RAD51B: variants seen among roughly 807,000 people sequenced by gnomAD.
The protein encoded by RAD51B is RAD51 paralog B.
RAD51B carries 38 observed loss-of-function variants against 42.2 expected under a neutral mutation model. The observed-to-expected ratio is 0.90, with a 90% confidence interval of 0.70 to 1.18. The LOEUF (loss-of-function observed/expected upper bound fraction) is 1.18. Ranked by LOEUF, RAD51B falls within the 50% of genes most tolerant of loss-of-function variation. The pLI is 0.00. For synonymous variants in RAD51B, 154 were observed against 145.2 expected, an observed-to-expected ratio of 1.06 and a Z score of -0.43; for missense variants, 373 against 400.7, an observed-to-expected ratio of 0.93 and a Z score of 0.59.
intron 11 of RAD51B, among the ~76,000 whole-genome samples, chr14:68,658,525 C>A (rs533417629): frequency 6.6e-6 from 1 of 152,224 alleles, no homozygotes; most frequent in Admixed American, 6.5e-5. Context: ...TTCCCCATCA[C>A]CCCTTCATCT....
chr14:68,208,655 A>G (rs922225316), intron 7 of RAD51B, among the ~76,000 whole-genome samples: 3 of 152,174 alleles, frequency 2.0e-5, no homozygotes, highest in African/African-American at 2.4e-5. Context: ...TGCTTTCCAC[A>G]GGAAAACACC....
At chr14:67,897,218 A>C (rs549290666) in intron 7 of RAD51B, among the ~76,000 whole-genome samples, 2 of 152,234 alleles carry the variant, frequency 1.3e-5, no homozygotes, top group South Asian at 4.1e-4. Context: ...ACAAATGCAC[A>C]GGTAACAAAA....
At chr14:68,493,915 C>T (rs1884286553) in intron 10 of RAD51B, among the ~76,000 whole-genome samples, 1 of 152,186 alleles carries the variant, frequency 6.6e-6, no homozygotes, top group Non-Finnish European at 1.5e-5. Context: ...TTCAGAGACT[C>T]TCTCTATAGG....
At chr14:68,314,513 C>T (rs2082019708) in intron 8 of RAD51B, among the ~76,000 whole-genome samples, 1 of 152,150 alleles carries the variant, frequency 6.6e-6, no homozygotes, top group Admixed American at 6.5e-5. Flanking sequence ...CAGCCCCTGG[C>T]ATTTGTTCAT....
At chr14:67,899,916 T>C (rs1289946949) in intron 7 of RAD51B, among the ~76,000 whole-genome samples, 2 of 152,232 alleles carry the variant, frequency 1.3e-5, no homozygotes. Flanking sequence ...AATCCAGATA[T>C]GTGTGATTAC....
At chr14:68,018,470 A>G (rs186452134) in intron 7 of RAD51B, among the ~76,000 whole-genome samples, 3 of 152,320 alleles carry the variant, frequency 2.0e-5, no homozygotes, top group Non-Finnish European at 4.4e-5. Flanking sequence ...TAAGGTTGTA[A>G]TATCTGTTAC....
At chr14:68,272,666 T>TATATATATATATA (rs58623449) in intron 7 of RAD51B, among the ~76,000 whole-genome samples, 46 of 4,942 alleles carry the variant, frequency 9.3e-3, no homozygotes, top group East Asian at 0.019. Context: ...TATATATATA[T>TATATATATATATA]TTTTTTTTTT....
At chr14:68,668,445 G>C (rs1026964772) in intron 11 of RAD51B, among the ~76,000 whole-genome samples, 3 of 152,200 alleles carry the variant, frequency 2.0e-5, no homozygotes, top group Admixed American at 6.5e-5. Flanking sequence ...CCGTTAGGTG[G>C]AGGCCATATG....
At chr14:68,479,411 G>T, downstream of RAD51B, among the ~76,000 whole-genome samples, 1 of 152,242 alleles carries the variant, frequency 6.6e-6, no homozygotes, top group African/African-American at 2.4e-5. Context: ...CTCTCCTGAA[G>T]CAGGTTGTAA....
intron 10 of RAD51B, among the ~76,000 whole-genome samples, chr14:68,495,689 C>T (rs138475951): frequency 8.9e-4 from 136 of 152,320 alleles, no homozygotes; most frequent in African/African-American, 3.1e-3. Context: ...TCAGTTCCTG[C>T]TCAAGGGAAC....
At chr14:68,287,955 T>C (rs1281562868) in intron 7 of RAD51B, among the ~76,000 whole-genome samples, 4 of 152,166 alleles carry the variant, frequency 2.6e-5, no homozygotes, top group African/African-American at 9.7e-5. Context: ...GAGTAAATGG[T>C]AGAGCCCAGG....
At chr14:68,251,380 G>GT (rs1323912530) in intron 7 of RAD51B, among the ~76,000 whole-genome samples, 3 of 151,800 alleles carry the variant, frequency 2.0e-5, no homozygotes, top group African/African-American at 2.4e-5. Flanking sequence ...CCAAGCGTGT[G>GT]TTTTTTTTAG....
chr14:68,289,315 A>T lies in RAD51B; in HGVS notation c.757-2569A>T, dbSNP rs947407977. 9.8e-5 allele frequency among the ~76,000 whole-genome samples: 15 copies of T among 152,332 alleles called. No homozygotes were observed. The East Asian group carries it at 2.9e-3, about 29-fold the overall frequency. ...TTAATTCTCATAAAAATTCTATGAGATAGATATTATTTTACCTATGAACAA... is the reference window on the plus strand; with the variant it reads ...TTAATTCTCATAAAAATTCTATGAGTTAGATATTATTTTACCTATGAACAA... On this transcript the variant is annotated intron_variant, in intron 7 of 10. Coordinates refer to ENST00000471583, the MANE Select transcript of RAD51B (RefSeq NM_133510.4).
chr14:68,291,201 TATTTA>T (rs2081510425), intron 7 of RAD51B, among the ~76,000 whole-genome samples: 1 of 152,098 alleles, frequency 6.6e-6, no homozygotes, highest in Non-Finnish European at 1.5e-5. Context: ...TATTTTTATT[TATTTA>T]TTTATTTTTG....
chr14:68,095,987 A>G (rs1313691581), intron 7 of RAD51B, among the ~76,000 whole-genome samples: 1 of 150,340 alleles, frequency 6.7e-6, no homozygotes, highest in Non-Finnish European at 1.5e-5. Flanking sequence ...AAAAAAAAAA[A>G]AAAAAAAAAG....
chr14:68,538,322 T>G (rs1594953932), intron 10 of RAD51B, among the ~76,000 whole-genome samples: 1 of 152,198 alleles, frequency 6.6e-6, no homozygotes, highest in African/African-American at 2.4e-5. Flanking sequence ...AGGCTGGAGC[T>G]GGGGTGAGAA....
chr14:68,241,320 A>G (rs1221287919), intron 7 of RAD51B, among the ~76,000 whole-genome samples: 5 of 152,180 alleles, frequency 3.3e-5, no homozygotes, highest in African/African-American at 1.2e-4. Context: ...AAGCAGGTGG[A>G]TCACGAGGTC....
At chr14:68,548,886 T>A (rs1168153621) in intron 10 of RAD51B, among the ~76,000 whole-genome samples, 1 of 152,078 alleles carries the variant, frequency 6.6e-6, no homozygotes, top group African/African-American at 2.4e-5. Context: ...CCTCCCTCCA[T>A]GGGGGGCCAT....
chr14:68,171,069 T>G (rs941387150), intron 7 of RAD51B, among the ~76,000 whole-genome samples: 1 of 152,148 alleles, frequency 6.6e-6, no homozygotes, highest in African/African-American at 2.4e-5. Context: ...GTGGCCAAAG[T>G]CTTGATTTTC....
Sources: gnomAD v4.1 joint callset for allele counts (sites outside exome capture counted in the v4.1 genomes callset) on GRCh38, gnomAD v4.1.1 for gene constraint, MANE v1.5 for transcripts, NCBI Gene and HGNC (gene_info 2026-07-23, HGNC 2026-07-21) for gene names.